The following UBE2V1 variants were observed in gnomAD, a reference collection of about 807,000 sequenced individuals.
The protein encoded by UBE2V1 is ubiquitin conjugating enzyme E2 V1.
In UBE2V1, 15 loss-of-function variants were observed where a neutral mutation model predicts 19.6. The ratio of observed to expected loss-of-function variants is 0.77; its 90% CI spans 0.51 to 1.18. UBE2V1 has a LOEUF of 1.18. Among genes scored for constraint, UBE2V1 ranks in the 50% most tolerant of loss-of-function variants. The pLI is 0.00. For synonymous variants in UBE2V1, 60 were observed against 60.7 expected (o/e 0.99, Z 0.05); for missense variants, 125 against 184.8 (o/e 0.68, Z 1.88).
At chr20:50,104,213 C>T (rs544218637) in intron 1 of UBE2V1, among the ~76,000 whole-genome samples, 2 of 136,472 alleles carry the variant, frequency 1.5e-5, no homozygotes, top group South Asian at 2.5e-4. Context: ...ACCTGGGAGG[C>T]GGAGGTTACA....
At position 50,081,726 on chromosome 20, in the gene UBE2V1, G is replaced by T; in HGVS notation, c.*1042C>A. The T allele has an allele frequency of 4.7e-6, 1 of 214,732 alleles. No individual in the cohort carries two copies. Among genetic ancestry groups the T allele is most frequent in the East Asian group, 9.7e-5 (1 of 10,318 alleles). 13.3% of individuals were successfully genotyped at this position (214,732 alleles called of 1,614,324 possible). A position where few individuals can be genotyped will look rare whatever the true frequency, so the allele number is the denominator to read the frequency against. On this transcript the variant is annotated 3_prime_UTR_variant, in exon 4 of 4. Coordinates refer to ENST00000371674, the MANE Select transcript of UBE2V1 (RefSeq NM_001032288.3). ...AAAACAATTCAGAGGGATCATGTGT[G>T]CTTACAAGTATCTTCATGCGGTCTT...
At chr20:50,094,312 G>A in intron 2 of UBE2V1, among the ~76,000 whole-genome samples, 2 of 85,150 alleles carry the variant, frequency 2.3e-5, no homozygotes, top group East Asian at 3.0e-4. Context: ...TATAATATAT[G>A]TCCATCTTCA....
intron 1 of UBE2V1, among the ~76,000 whole-genome samples, chr20:50,100,663 A>C (rs1372450253): frequency 3.3e-5 from 5 of 152,224 alleles, no homozygotes; most frequent in Non-Finnish European, 7.3e-5. Flanking sequence ...TCATTACTGA[A>C]TGGAAGCTGT....
Position 50,087,055 on chromosome 20 carries a change from C to T in UBE2V1, c.172-2801G>A, listed in dbSNP as rs190376503. On this transcript the variant is annotated intron_variant, in intron 2 of 3. Transcript: ENST00000371674. The stretch of plus-strand genomic sequence containing the variant: ...TTGCGCCACTGCACTCCAGCCTGGG[C>T]GACAGTGCGAGACTCCATCTCAAAA... 5.5e-4 allele frequency among the ~76,000 whole-genome samples: 82 copies of T among 150,024 alleles called. No homozygotes were observed. The East Asian group carries it at 9.0e-3, about 16-fold the overall frequency.
intron 3 of UBE2V1, 92 bp downstream of exon 3, chr20:50,084,037 C>A: frequency 6.6e-7 from 1 of 1,506,446 alleles, no homozygotes; most frequent in East Asian, 2.3e-5. Context: ...ACCAAAGAAC[C>A]TAGGAATTGG....
At chr20:50,113,037 T>C in intron 1 of UBE2V1, 70 bp downstream of exon 1, 2 of 680,216 alleles carry the variant, frequency 2.9e-6, no homozygotes, top group South Asian at 7.7e-5. Context: ...TGCAGGAGGC[T>C]TTGAGGGTCC....
Position 50,112,215 on chromosome 20 carries a change from C to G in UBE2V1, c.22+892G>C, listed in dbSNP as rs530438201. ...TCCGGAACCCGACCTTTTCCACTCC[C>G]TCATTTCAGGGGCTTCCCTCAGTTG... is the stretch of plus-strand genomic sequence containing the variant. On this transcript the variant is annotated intron_variant, in intron 1 of 3. Coordinates refer to ENST00000371674, the MANE Select transcript of UBE2V1 (RefSeq NM_001032288.3). Among the ~76,000 whole-genome samples the G allele has an allele frequency of 7.5e-4, 114 of 152,328 alleles. 1 individual carries two copies. The highest frequency in any genetic ancestry group is 4.8e-3 in the Admixed American group (74 of 15,298).
chr20:50,092,185 G>A (rs1036620966), intron 2 of UBE2V1, among the ~76,000 whole-genome samples: 2 of 152,088 alleles, frequency 1.3e-5, no homozygotes, highest in Non-Finnish European at 2.9e-5. Context: ...AGCCGGGTGT[G>A]GTGGTATGTG....
intron 2 of UBE2V1, 164 bp downstream of exon 2, chr20:50,096,508 G>A (rs1193926277): frequency 5.2e-6 from 8 of 1,531,778 alleles, no homozygotes; most frequent in African/African-American, 1.4e-5. Context: ...AACAGCATCA[G>A]AGGAGGTTCA....
intron 1 of UBE2V1, among the ~76,000 whole-genome samples, chr20:50,109,292 T>TCTA (rs1407201440): frequency 2.0e-5 from 3 of 152,198 alleles, no homozygotes; most frequent in Non-Finnish European, 4.4e-5. Flanking sequence ...TATTTTGTAT[T>TCTA]CTACTTTTAC....
chr20:50,101,416 C>CT (rs11474905), intron 1 of UBE2V1, among the ~76,000 whole-genome samples: 25,498 of 126,294 alleles, frequency 0.2, 2,927 homozygotes, highest in African/African-American at 0.28. Flanking sequence ...CCTCAAAGAA[C>CT]TTTTTTTTTT....
Position 50,113,095 on chromosome 20 carries a change from G to T in UBE2V1, c.22+12C>A. Reference sequence around the variant, plus strand: ...GCCCCCTCGGCCGGCCGGGCCCGGCGCCCCCGCTCACCCGAGCCCGTGGTG... The same window carrying T: ...GCCCCCTCGGCCGGCCGGGCCCGGCTCCCCCGCTCACCCGAGCCCGTGGTG... On this transcript the variant is annotated intron_variant, in intron 1 of 3. Transcript: ENST00000371674. 7.8e-7 allele frequency: 1 copy of T among 1,277,538 alleles called. No homozygotes were observed. Among genetic ancestry groups the T allele is most frequent in the Non-Finnish European group, 1.0e-6 (1 of 980,826 alleles). The allele number at this position is 1,277,538 out of a possible 1,614,324, so 79.1% of individuals were successfully genotyped here.
At position 50,082,791 on chromosome 20, in the gene UBE2V1, C is replaced by A; in HGVS notation, c.421G>T (p.Glu141Ter). Residue 141 changes from glutamate to a stop codon, truncating the protein, a stop_gained, in exon 4 of 4, where the codon GAA becomes TAA. Coordinates refer to ENST00000371674, the MANE Select transcript of UBE2V1 (RefSeq NM_001032288.3). LOFTEE classifies it high-confidence loss of function. ...KENMKLPQPP[E>*]GQCYSN is the part of the protein sequence containing the mutation. The stretch of plus-strand genomic sequence containing the variant: ...GATTAATTGCTGTAACACTGTCCTT[C>A]GGGCGGCTGAGGGAGTTTCATATTT... 6.2e-7 allele frequency: 1 copy of A among 1,612,862 alleles called. No homozygotes were observed. The highest frequency in any genetic ancestry group is 8.5e-7 in the Non-Finnish European group (1 of 1,179,824).
At chr20:50,092,846 G>A (rs2079323880) in intron 2 of UBE2V1, among the ~76,000 whole-genome samples, 1 of 152,182 alleles carries the variant, frequency 6.6e-6, no homozygotes, top group African/African-American at 2.4e-5. Flanking sequence ...TAAAAAGTAA[G>A]TTTCCTTTCC....
At chr20:50,112,857 G>A (rs1310333890) in intron 1 of UBE2V1, among the ~76,000 whole-genome samples, 2 of 152,132 alleles carry the variant, frequency 1.3e-5, no homozygotes, top group African/African-American at 2.4e-5. Flanking sequence ...AGCACAGAGG[G>A]CCCTCACGCC....
chr20:50,106,875 AAAAAAAAAAAAAC>A (rs2080413241), intron 1 of UBE2V1, among the ~76,000 whole-genome samples: 1 of 74,758 alleles, frequency 1.3e-5, no homozygotes, highest in Non-Finnish European at 2.4e-5. Context: ...CAACAACAAC[AAAAAAAAAAAAAC>A]AAAAAAAAGG....
chr20:50,101,571 C>CAAAAAAAAAA (rs11481618), intron 1 of UBE2V1, among the ~76,000 whole-genome samples: 1 of 71,190 alleles, frequency 1.4e-5, no homozygotes. Flanking sequence ...CATTTATAAG[C>CAAAAAAAAAA]AAAAAAAAAA....
intron 1 of UBE2V1, among the ~76,000 whole-genome samples, chr20:50,103,754 G>A (rs2080161091): frequency 6.6e-6 from 1 of 152,098 alleles, no homozygotes; most frequent in Admixed American, 6.6e-5. Flanking sequence ...AAGCCAGGCA[G>A]TCAGGAGAGG....
intron 2 of UBE2V1, among the ~76,000 whole-genome samples, chr20:50,090,625 G>C (rs1319835476): frequency 1.3e-5 from 2 of 152,212 alleles, no homozygotes; most frequent in Non-Finnish European, 2.9e-5. Flanking sequence ...CACAGAAGCA[G>C]AGAACAGAAC....
Sources: gnomAD v4.1 joint callset for allele counts (sites outside exome capture counted in the v4.1 genomes callset) on GRCh38, gnomAD v4.1.1 for gene constraint, MANE v1.5 for transcripts, NCBI Gene and HGNC (gene_info 2026-07-23, HGNC 2026-07-21) for gene names.